IL1RAPL1: variants seen among roughly 807,000 people sequenced by gnomAD.
The protein encoded by IL1RAPL1 is interleukin 1 receptor accessory protein like 1.
A neutral mutation model predicts 48.4 loss-of-function variants in IL1RAPL1; 3 were observed. The observed-to-expected ratio is 0.06, with a 90% confidence interval of 0.03 to 0.16. IL1RAPL1 has a LOEUF of 0.16. Ranked by LOEUF, IL1RAPL1 falls within the 10% of genes least tolerant of loss-of-function variation. The pLI, the probability that IL1RAPL1 is intolerant of heterozygous loss-of-function variation, is 1.00. For missense variants in IL1RAPL1, 349 were observed against 530.6 expected, an observed-to-expected ratio of 0.66 and a Z score of 3.36; for synonymous variants, 185 against 187.7, an observed-to-expected ratio of 0.99 and a Z score of 0.12.
At chrX:28,601,797 G>GAAT (rs1394889893) in intron 1 of IL1RAPL1, among the ~76,000 whole-genome samples, 4 of 109,650 alleles carry the variant, frequency 3.6e-5, no homozygotes, top group African/African-American at 1.0e-4. Context: ...GGTTTTTTTG[G>GAAT]AATAATAATA....
chrX:28,737,083 TTTTC>T lies in IL1RAPL1; in HGVS notation c.-24-52236_-24-52233del, dbSNP rs1935836290. Among the ~76,000 whole-genome samples the T allele has an allele frequency of 4.9e-5, 5 of 102,720 alleles. No homozygotes were observed. In the South Asian group the frequency reaches 2.2e-3, roughly 44 times the overall value. The allele number at this position is 102,720 out of a possible 115,157, so 89.2% of individuals were successfully genotyped here. A position where few individuals can be genotyped will look rare whatever the true frequency, so the allele number is the denominator to read the frequency against. On this transcript the variant is annotated intron_variant, in intron 1 of 10. Transcript: ENST00000378993. ...TTTTCTTTTCTTTTCTTTTCTTTTC[TTTTC>T]GTTTTGTTTCTTTTCTTTTCTCTTC...
chrX:29,335,231 T>C (rs1932970545), intron 3 of IL1RAPL1, among the ~76,000 whole-genome samples: 1 of 91,811 alleles, frequency 1.1e-5, no homozygotes, highest in Admixed American at 1.2e-4. Context: ...CAGCTTTGGC[T>C]CGGCATCAGA....
chrX:29,915,883 A>C (rs1311962055), intron 6 of IL1RAPL1, among the ~76,000 whole-genome samples: 2 of 59,099 alleles, frequency 3.4e-5, no homozygotes, highest in Non-Finnish European at 6.4e-5. Flanking sequence ...ATATCTCCCA[A>C]TGCTATCCCT....
intron 6 of IL1RAPL1, among the ~76,000 whole-genome samples, chrX:29,840,563 A>G (rs1042328429): frequency 8.9e-6 from 1 of 112,413 alleles, no homozygotes; most frequent in Admixed American, 9.5e-5. Context: ...CTATTATTTT[A>G]TAGATTATTA....
At chrX:29,525,452 GGTTTTAGA>G (rs1340734520) in intron 5 of IL1RAPL1, among the ~76,000 whole-genome samples, 1 of 112,082 alleles carries the variant, frequency 8.9e-6, no homozygotes, top group Non-Finnish European at 1.9e-5. Context: ...AATACCTGGA[GGTTTTAGA>G]GAAGGCAGAT....
chrX:29,693,622 A>G (rs1367210779), intron 6 of IL1RAPL1, among the ~76,000 whole-genome samples: 1 of 111,616 alleles, frequency 9.0e-6, no homozygotes, highest in East Asian at 2.8e-4. Context: ...TAATTGCAAT[A>G]CTCTCTATAA....
At chrX:29,722,608 C>T (rs1297404951) in intron 6 of IL1RAPL1, among the ~76,000 whole-genome samples, 1 of 111,584 alleles carries the variant, frequency 9.0e-6, no homozygotes, top group Non-Finnish European at 1.9e-5. Flanking sequence ...TAGACTTTCT[C>T]CTATTTTGAC....
At chrX:29,236,583 T>C (rs1358365212) in intron 2 of IL1RAPL1, among the ~76,000 whole-genome samples, 5 of 96,498 alleles carry the variant, frequency 5.2e-5, no homozygotes, top group African/African-American at 7.9e-5. Flanking sequence ...GATGGAGTCT[T>C]GCTCTGTCAC....
intron 3 of IL1RAPL1, among the ~76,000 whole-genome samples, chrX:29,311,862 A>G (rs1436858137): frequency 8.9e-6 from 1 of 111,792 alleles, no homozygotes; most frequent in Non-Finnish European, 1.9e-5. Flanking sequence ...GTTTAAGGCC[A>G]TTTACACATG....
intron 2 of IL1RAPL1, among the ~76,000 whole-genome samples, chrX:29,048,422 A>C (rs1927022477): frequency 8.9e-6 from 1 of 111,971 alleles, no homozygotes; most frequent in African/African-American, 3.2e-5. Flanking sequence ...TCAGATGTTG[A>C]ATATTAGTAT....
At chrX:29,061,650 G>A (rs745688248) in intron 2 of IL1RAPL1, among the ~76,000 whole-genome samples, 35 of 111,598 alleles carry the variant, frequency 3.1e-4, no homozygotes, top group Admixed American at 5.7e-4. Flanking sequence ...GTGGAGACAG[G>A]GTTTCACCAT....
chrX:29,284,809 G>A (rs1310225409), intron 3 of IL1RAPL1, among the ~76,000 whole-genome samples: 3 of 111,850 alleles, frequency 2.7e-5, no homozygotes, highest in African/African-American at 9.8e-5. Flanking sequence ...TTCTCTTAGG[G>A]TTTACTAATC....
At chrX:29,888,855 T>C (rs936466133) in intron 6 of IL1RAPL1, among the ~76,000 whole-genome samples, 7 of 111,748 alleles carry the variant, frequency 6.3e-5, no homozygotes, top group Non-Finnish European at 5.6e-5. Context: ...ACAGTGTTTT[T>C]AAAAGACGCT....
chrX:29,121,654 G>A (rs183905046), intron 2 of IL1RAPL1, among the ~76,000 whole-genome samples: 27 of 111,889 alleles, frequency 2.4e-4, no homozygotes, highest in African/African-American at 7.8e-4. Flanking sequence ...GACAGAAAAG[G>A]TTCTCCACCT....
At position 29,560,166 on chromosome X, in the gene IL1RAPL1, G is replaced by A. The variant is rs140535347; in HGVS notation, c.704-108264G>A. ...TCTGAAGAATTGCTTTGCTGGCATAGTATTCTTGGTTGACATTTTTTTCCT... is the reference window on the plus strand; with the variant it reads ...TCTGAAGAATTGCTTTGCTGGCATAATATTCTTGGTTGACATTTTTTTCCT... On this transcript the variant is annotated intron_variant, in intron 5 of 10. Coordinates refer to ENST00000378993, the MANE Select transcript of IL1RAPL1 (RefSeq NM_014271.4). 9.8e-3 allele frequency among the ~76,000 whole-genome samples: 1,099 copies of A among 111,631 alleles called. 17 individuals carry two copies. Among genetic ancestry groups the A allele is most frequent in the African/African-American group, 0.034 (1,056 of 30,785 alleles).
chrX:29,789,109 G>A (rs1462224219), intron 6 of IL1RAPL1, among the ~76,000 whole-genome samples: 4 of 112,149 alleles, frequency 3.6e-5, no homozygotes. Context: ...AATGCGCATT[G>A]TTCGTTTTTT....
chrX:29,047,659 C>G (rs1907173993), intron 2 of IL1RAPL1, among the ~76,000 whole-genome samples: 3 of 111,401 alleles, frequency 2.7e-5, no homozygotes, highest in Admixed American at 1.9e-4. Flanking sequence ...CTGAAACTAC[C>G]TGTGACCACA....
chrX:29,252,199 G>T (rs1281707704), intron 2 of IL1RAPL1, among the ~76,000 whole-genome samples: 1 of 112,117 alleles, frequency 8.9e-6, no homozygotes, highest in Non-Finnish European at 1.9e-5. Context: ...ACACCAGCAT[G>T]GCACATGTAT....
chrX:28,737,205 CTCTTTCTTTCTTTCTTTCTTTCTTTCTT>C (rs762616408), intron 1 of IL1RAPL1, among the ~76,000 whole-genome samples: 3 of 50,275 alleles, frequency 6.0e-5, no homozygotes, highest in Non-Finnish European at 6.9e-5. Flanking sequence ...TTCTTTCTTT[CTCTTTCTTTCTTTCTTTCTTTCTTTCTT>C]TCTTTCTTTC....
Sources: allele counts gnomAD v4.1 joint callset (sites outside exome capture counted in the v4.1 genomes callset), GRCh38; gene constraint gnomAD v4.1.1; transcripts MANE v1.5; gene names NCBI Gene and HGNC (gene_info 2026-07-23, HGNC 2026-07-21).